CDHR2: variants seen among roughly 807,000 people sequenced by gnomAD.
CDHR2 encodes cadherin related family member 2.
In CDHR2, 104 loss-of-function variants were observed where a neutral mutation model predicts 138.6. That is an observed-to-expected ratio of 0.75 (90% confidence interval 0.64 to 0.88). The LOEUF (loss-of-function observed/expected upper bound fraction) is 0.88. Ranked by LOEUF, CDHR2 falls within the 40% of genes least tolerant of loss-of-function variation. CDHR2 has a pLI of 0.00. For missense variants in CDHR2, 1,624 were observed against 1,727.6 expected (o/e 0.94, Z 1.06); for synonymous variants, 755 against 742.8 (o/e 1.02, Z -0.27).
intron 4 of CDHR2, 24 bp from the exon 5 acceptor site, chr5:176,568,936 G>C: frequency 6.2e-7 from 1 of 1,613,726 alleles, no homozygotes; most frequent in Non-Finnish European, 8.5e-7. Flanking sequence ...CTCACCACCG[G>C]CCCCTTCTCT....
intron 1 of CDHR2, among the ~76,000 whole-genome samples, chr5:176,555,750 T>C (rs1321144580): frequency 6.7e-6 from 1 of 150,308 alleles, no homozygotes; most frequent in East Asian, 2.0e-4. Flanking sequence ...CTACTAAAAA[T>C]AAAAAAATTA....
intron 17 of CDHR2, among the ~76,000 whole-genome samples, chr5:176,581,854 G>A (rs1470557592): frequency 6.6e-6 from 1 of 152,204 alleles, no homozygotes; most frequent in Admixed American, 6.5e-5. Flanking sequence ...GTGAATATCA[G>A]CTCTAATTGT....
chr5:176,559,959 G>C (rs906641085), intron 1 of CDHR2, among the ~76,000 whole-genome samples: 1 of 152,194 alleles, frequency 6.6e-6, no homozygotes, highest in Admixed American at 6.5e-5. Flanking sequence ...TTGAGGCGTG[G>C]CTTTGGATTG....
intron 16 of CDHR2, among the ~76,000 whole-genome samples, chr5:176,580,181 C>T (rs1243872379): frequency 6.6e-6 from 1 of 152,012 alleles, no homozygotes; most frequent in Non-Finnish European, 1.5e-5. Flanking sequence ...CACACACACT[C>T]ACACACGCAC....
At chr5:176,545,282 C>T (rs1438583210), upstream of CDHR2, among the ~76,000 whole-genome samples, 2 of 152,064 alleles carry the variant, frequency 1.3e-5, no homozygotes, top group Non-Finnish European at 2.9e-5. Context: ...CGCCACCACG[C>T]TGGGCTAAGT....
chr5:176,556,436 G>A (rs1421453915), intron 1 of CDHR2, among the ~76,000 whole-genome samples: 1 of 152,268 alleles, frequency 6.6e-6, no homozygotes, highest in Non-Finnish European at 1.5e-5. Flanking sequence ...GGAGGCCGAG[G>A]CGGGCGGATC....
chr5:176,550,734 G>A (rs910693521), intron 1 of CDHR2, among the ~76,000 whole-genome samples: 2 of 152,164 alleles, frequency 1.3e-5, no homozygotes, highest in Admixed American at 6.5e-5. Flanking sequence ...GCACCCCGGG[G>A]GCTCCCCACA....
rs780008883 is a variant in CDHR2 at position 176,584,172 on chromosome 5, A to G, written c.2059-18A>G. 6.2e-7 allele frequency: 1 copy of G among 1,611,966 alleles called. No individual in the cohort carries two copies. The highest frequency in any genetic ancestry group is 8.5e-7 in the Non-Finnish European group (1 of 1,178,118). ...GTGAGATTGGATCCCGGGGACTCAG[A>G]CCTGTCTCTGACTGCAGGACATCAA... On this transcript the variant is annotated intron_variant, in intron 17 of 31. Transcript: ENST00000261944.
At chr5:176,562,904 G>T (rs1378498182) in intron 1 of CDHR2, among the ~76,000 whole-genome samples, 1 of 152,184 alleles carries the variant, frequency 6.6e-6, no homozygotes, top group Admixed American at 6.5e-5. Context: ...ACATGTAAAT[G>T]TATTACAATT....
At position 176,590,190 on chromosome 5, in the gene CDHR2, G is replaced by A. The variant is rs748906125; in HGVS notation, c.3275+44G>A. ...GGGGGTGGGGTTGAGGGGGAGAAGC[G>A]GTAGCAGGAGGGGCCTGCTGGGTGA... On this transcript the variant is annotated intron_variant, in intron 25 of 31. Coordinates refer to ENST00000261944, the MANE Select transcript of CDHR2 (RefSeq NM_017675.6). 33 of 1,608,656 alleles carry A rather than the reference G, an allele frequency of 2.1e-5. No homozygotes were observed. The East Asian group carries it at 4.2e-4, about 21-fold the overall frequency.
In CDHR2 at chr5:176,590,567, C is replaced by G; in HGVS notation, c.3419C>G (p.Ser1140Cys). The change falls in exon 28 of 32, where the codon TCC (serine) becomes TGC (cysteine). Residue 1140 changes from serine (S) to cysteine (C), a missense_variant. Transcript: ENST00000261944. ...CTCACACTCATCTTTCTCCAGGGCT[C>G]CCAGGAGAGCCAGGAGTCAGACCTG... ...LLQLGLVVLG[S>C]QESQESDLSK... is the part of the protein sequence containing the mutation. 1 of 1,613,986 alleles carries G rather than the reference C, an allele frequency of 6.2e-7. No individual in the cohort carries two copies. The highest frequency in any genetic ancestry group is 8.5e-7 in the Non-Finnish European group (1 of 1,179,970).
intron 5 of CDHR2, among the ~76,000 whole-genome samples, chr5:176,569,523 C>T (rs1384252628): frequency 6.6e-6 from 1 of 151,930 alleles, no homozygotes; most frequent in Non-Finnish European, 1.5e-5. Context: ...ACCTTGTGAT[C>T]CGCCCGCCTC....
rs543624964 is a variant in CDHR2 at position 176,586,012 on chromosome 5, G to A, written c.2793G>A (p.Glu931=). The change falls in exon 20 of 32, where the codon GAG becomes GAA. Residue 931 remains glutamate (E), a synonymous_variant. Transcript: ENST00000261944. ...VNDNAPYFLP[E]NKTFVIIPEL... ...ACAATGCACCCTATTTTCTGCCTGA[G>A]AATAAGACTTTTGGTAAGCAGCAAC... The A allele has an allele frequency of 3.8e-5, 62 of 1,613,898 alleles. No homozygotes were observed. The South Asian group carries it at 6.6e-4, about 17-fold the overall frequency.
chr5:176,590,021 C>T, intron 24 of CDHR2, 57 bp from the exon 25 acceptor site: 1 of 1,425,098 alleles, frequency 7.0e-7, no homozygotes, highest in Middle Eastern at 1.8e-4. Context: ...TGGCACAGCC[C>T]TGGCCACAGG....
upstream of CDHR2, among the ~76,000 whole-genome samples, chr5:176,546,170 A>G (rs1215926473): frequency 2.0e-5 from 3 of 152,176 alleles, no homozygotes; most frequent in Non-Finnish European, 2.9e-5. Flanking sequence ...ACTAGTGCCT[A>G]CTTCCTTCAG....
At chr5:176,549,337 A>C (rs907844936), upstream of CDHR2, 7 of 152,418 alleles carry the variant, frequency 4.6e-5, no homozygotes, top group Non-Finnish European at 8.8e-5. Flanking sequence ...ACATAGCTGC[A>C]GGCCGCAGAG....
chr5:176,552,367 G>A (rs954709009), intron 1 of CDHR2, among the ~76,000 whole-genome samples: 4 of 152,260 alleles, frequency 2.6e-5, no homozygotes, highest in Non-Finnish European at 5.9e-5. Flanking sequence ...GGCAAATGGA[G>A]GAAGGACAAT....
At chr5:176,575,692 T>C in intron 10 of CDHR2, 32 bp from the exon 11 acceptor site, 1 of 1,591,196 alleles carries the variant, frequency 6.3e-7, no homozygotes, top group Non-Finnish European at 8.6e-7. Context: ...CTGGAGCAGC[T>C]GTTCCAGCTG....
At chr5:176,566,683 G>A (rs1057412590) in intron 3 of CDHR2, among the ~76,000 whole-genome samples, 9 of 152,328 alleles carry the variant, frequency 5.9e-5, no homozygotes, top group African/African-American at 2.2e-4. Context: ...GGCCAGGATG[G>A]CTCAGACGAG....
Sources: gnomAD v4.1 joint callset for allele counts (sites outside exome capture counted in the v4.1 genomes callset) on GRCh38, gnomAD v4.1.1 for gene constraint, MANE v1.5 for transcripts, NCBI Gene and HGNC (gene_info 2026-07-23, HGNC 2026-07-21) for gene names.